SNX3: variants seen among roughly 807,000 people sequenced by gnomAD.
The protein encoded by SNX3 is sorting nexin 3.
SNX3 carries 5 observed loss-of-function variants against 17.7 expected under a neutral mutation model. The ratio of observed to expected loss-of-function variants is 0.28; its 90% CI spans 0.15 to 0.59. SNX3 has a LOEUF of 0.59. SNX3 is among the 20% of genes least tolerant of loss of function. The pLI, the probability that SNX3 is intolerant of heterozygous loss-of-function variation, is 0.88. For missense variants in SNX3, 132 were observed against 206.8 expected, an observed-to-expected ratio of 0.64 and a Z score of 2.22; for synonymous variants, 91 against 76.5, an observed-to-expected ratio of 1.19 and a Z score of -0.99.
intron 1 of SNX3, 49 bp downstream of exon 1, chr6:108,260,711 C>T (rs1391568044): frequency 1.9e-6 from 3 of 1,608,898 alleles, no homozygotes; most frequent in African/African-American, 1.3e-5. Context: ...GTGGGGGTGA[C>T]CAGAGCCAGC....
chr6:108,232,310 T>G (rs1050317146), intron 1 of SNX3, among the ~76,000 whole-genome samples: 2 of 152,100 alleles, frequency 1.3e-5, no homozygotes, highest in Non-Finnish European at 2.9e-5. Context: ...CAGGGTAAGA[T>G]CATCAGGAAT....
Position 108,251,834 on chromosome 6 carries a change from G to A in SNX3, c.162+8926C>T, listed in dbSNP as rs150560614. On this transcript the variant is annotated intron_variant, in intron 1 of 3. Transcript: ENST00000230085. ...GCCTGTATTTTGGGAGGCTGAAGTG[G>A]GCATATCACTTGAGGCCAGGAGTTC... Among the ~76,000 whole-genome samples, 672 of 152,140 alleles carry A rather than the reference G, an allele frequency of 4.4e-3. 10 individuals carry two copies. Among genetic ancestry groups the A allele is most frequent in the African/African-American group, 0.016 (652 of 41,490 alleles).
chr6:108,243,145 G>C (rs1011930331), intron 1 of SNX3, among the ~76,000 whole-genome samples: 1 of 152,072 alleles, frequency 6.6e-6, no homozygotes, highest in Admixed American at 6.6e-5. Flanking sequence ...CCAGGCTGGA[G>C]TGCAGGCTAT....
intron 1 of SNX3, among the ~76,000 whole-genome samples, chr6:108,254,284 G>C (rs1170239273): frequency 6.6e-6 from 1 of 151,708 alleles, no homozygotes; most frequent in Non-Finnish European, 1.5e-5. Flanking sequence ...GGGCAACATG[G>C]AGAAACCCTG....
chr6:108,223,577 A>C (rs1260554655), intron 1 of SNX3, among the ~76,000 whole-genome samples: 1 of 133,726 alleles, frequency 7.5e-6, no homozygotes, highest in African/African-American at 3.0e-5. Flanking sequence ...GGCTCACTGC[A>C]ACCTCCACCT....
intron 1 of SNX3, among the ~76,000 whole-genome samples, chr6:108,239,343 T>C (rs1354668059): frequency 6.6e-6 from 1 of 152,038 alleles, no homozygotes; most frequent in Admixed American, 6.6e-5. Context: ...AGTTTTACCA[T>C]CTTTAAAATG....
intron 1 of SNX3, among the ~76,000 whole-genome samples, chr6:108,232,152 G>C (rs1012964823): frequency 8.5e-5 from 13 of 152,130 alleles, no homozygotes; most frequent in African/African-American, 3.1e-4. Context: ...ATGTTATTTT[G>C]TTGTTGTCTA....
intron 1 of SNX3, among the ~76,000 whole-genome samples, chr6:108,226,062 A>AG (rs1335039670): frequency 8.6e-5 from 13 of 151,732 alleles, no homozygotes; most frequent in Non-Finnish European, 2.9e-5. Context: ...AAAAAAAAAA[A>AG]AAAAAAAGGA....
chr6:108,220,636 T>C (rs1774734236), intron 2 of SNX3, among the ~76,000 whole-genome samples: 1 of 152,172 alleles, frequency 6.6e-6, no homozygotes, highest in South Asian at 2.1e-4. Context: ...ATTCTCATCA[T>C]TAAGTGCCAT....
chr6:108,244,981 G>A (rs561179671), intron 1 of SNX3, among the ~76,000 whole-genome samples: 1 of 152,114 alleles, frequency 6.6e-6, no homozygotes, highest in South Asian at 2.1e-4. Context: ...GGATACACGT[G>A]CAAAAAAACG....
At chr6:108,255,501 C>T (rs756527356) in intron 1 of SNX3, among the ~76,000 whole-genome samples, 4 of 151,998 alleles carry the variant, frequency 2.6e-5, no homozygotes, top group Non-Finnish European at 4.4e-5. Flanking sequence ...TACAGGCACA[C>T]GCCACCATGC....
chr6:108,226,689 A>G (rs1168455216), intron 1 of SNX3, among the ~76,000 whole-genome samples: 1 of 152,206 alleles, frequency 6.6e-6, no homozygotes, highest in Non-Finnish European at 1.5e-5. Flanking sequence ...GCTTAATGCT[A>G]CTGGTAAGTA....
intron 2 of SNX3, 151 bp from the exon 3 acceptor site, chr6:108,214,773 A>G: frequency 1.3e-6 from 1 of 767,092 alleles, no homozygotes; most frequent in East Asian, 2.8e-5. Context: ...TACACTGAAA[A>G]AAGACCAAAT....
At chr6:108,249,267 C>T (rs147774639) in intron 1 of SNX3, among the ~76,000 whole-genome samples, 10 of 151,972 alleles carry the variant, frequency 6.6e-5, no homozygotes, top group East Asian at 1.9e-4. Context: ...ATTAATTATA[C>T]AAAAATTAGC....
intron 1 of SNX3, among the ~76,000 whole-genome samples, chr6:108,245,868 CA>C (rs1775673169): frequency 1.3e-5 from 2 of 152,146 alleles, no homozygotes; most frequent in Non-Finnish European, 2.9e-5. Context: ...GGATAGATTC[CA>C]AAAATTTTCT....
intron 1 of SNX3, among the ~76,000 whole-genome samples, chr6:108,235,624 G>A (rs1000261997): frequency 1.3e-5 from 2 of 152,120 alleles, no homozygotes; most frequent in Non-Finnish European, 2.9e-5. Context: ...GGCCAGGCAC[G>A]GTGGCTCACA....
intron 1 of SNX3, among the ~76,000 whole-genome samples, chr6:108,252,693 C>T (rs976421083): frequency 6.6e-6 from 1 of 151,364 alleles, no homozygotes; most frequent in South Asian, 2.1e-4. Flanking sequence ...TTTTTTTTGG[C>T]ACAGAGTCGC....
At chr6:108,244,734 G>A (rs146767339) in intron 1 of SNX3, among the ~76,000 whole-genome samples, 546 of 137,188 alleles carry the variant, frequency 4.0e-3, no homozygotes, top group Middle Eastern at 9.6e-3. Context: ...CTTCCACCTC[G>A]TGGGTTCAAG....
At position 108,246,430 on chromosome 6, in the gene SNX3, T is replaced by A. The variant is rs368888668; in HGVS notation, c.162+14330A>T. On this transcript the variant is annotated intron_variant, in intron 1 of 3. Transcript: ENST00000230085. ...ACCTCTGCCTCCCAGGTTCAAGTGATTCTCCTGCCTCAGCCTCCCGACTAG... is the reference window on the plus strand; with the variant it reads ...ACCTCTGCCTCCCAGGTTCAAGTGAATCTCCTGCCTCAGCCTCCCGACTAG... 8.8e-4 allele frequency among the ~76,000 whole-genome samples: 132 copies of A among 149,836 alleles called. 3 individuals are homozygous for A. In the South Asian group the frequency reaches 0.026, roughly 30 times the overall value.
Sources: allele counts gnomAD v4.1 joint callset (sites outside exome capture counted in the v4.1 genomes callset), GRCh38; gene constraint gnomAD v4.1.1; transcripts MANE v1.5; gene names NCBI Gene and HGNC (gene_info 2026-07-23, HGNC 2026-07-21).